The following CTDP1 variants were observed in gnomAD, a reference collection of about 807,000 sequenced individuals.
CTDP1 encodes CTD phosphatase 1.
A neutral mutation model predicts 91.8 loss-of-function variants in CTDP1; 47 were observed. The ratio of observed to expected loss-of-function variants is 0.51; its 90% CI spans 0.41 to 0.65. The LOEUF is 0.65. CTDP1 is among the 30% of genes least tolerant of loss of function. The pLI, the probability that CTDP1 is intolerant of heterozygous loss-of-function variation, is 0.00. For synonymous variants in CTDP1, 656 were observed against 598.5 expected (o/e 1.10, Z -1.40); for missense variants, 1,272 against 1,373.7 (o/e 0.93, Z 1.17).
rs189582645 is a variant in CTDP1 at position 79,729,120 on chromosome 18, G to A, written c.2580+51G>A. Reference sequence around the variant, plus strand: ...CCGCGCCAGCGCTCGTGCTGGGGCCGCAGAGCTCTGGTGTGCGGGCGGATT... The same window carrying A: ...CCGCGCCAGCGCTCGTGCTGGGGCCACAGAGCTCTGGTGTGCGGGCGGATT... On this transcript the variant is annotated intron_variant, in intron 11 of 12. Coordinates refer to ENST00000613122, the MANE Select transcript of CTDP1 (RefSeq NM_004715.5). 8.0e-4 allele frequency: 1,279 copies of A among 1,608,474 alleles called. 3 individuals carry two copies. The highest frequency in any genetic ancestry group is 7.3e-4 in the Non-Finnish European group (858 of 1,178,074).
At chr18:79,733,270 C>T (rs1488427546) in intron 11 of CTDP1, among the ~76,000 whole-genome samples, 3 of 151,882 alleles carry the variant, frequency 2.0e-5, no homozygotes, top group East Asian at 1.9e-4. Flanking sequence ...GCCGCAGCCT[C>T]GGCACAGGAC....
In CTDP1 at chr18:79,697,755, G is replaced by T. The variant is rs529963192; in HGVS notation, c.493-105G>T. 6.8e-5 allele frequency: 104 copies of T among 1,536,196 alleles called. No individual in the cohort carries two copies. The African/African-American group carries it at 1.4e-3, about 20-fold the overall frequency. On this transcript the variant is annotated intron_variant, in intron 3 of 12. Transcript: ENST00000613122. ...CGCAGTCCATGGAGCGTGGGGGGCT[G>T]GAGGGGAACACATTGATATAGTTTT...
At chr18:79,708,953 C>A (rs1017471268) in intron 5 of CTDP1, among the ~76,000 whole-genome samples, 2 of 152,220 alleles carry the variant, frequency 1.3e-5, no homozygotes, top group Non-Finnish European at 2.9e-5. Flanking sequence ...TGATCGAATA[C>A]CCTTAAACAC....
chr18:79,752,130 G>A (rs1001401007), intron 12 of CTDP1, among the ~76,000 whole-genome samples: 7 of 152,250 alleles, frequency 4.6e-5, no homozygotes, highest in Admixed American at 1.3e-4. Flanking sequence ...GGTGTGCCCC[G>A]ATCAAGTCGG....
intron 10 of CTDP1, among the ~76,000 whole-genome samples, chr18:79,725,034 G>A (rs2086417385): frequency 6.6e-6 from 1 of 152,194 alleles, no homozygotes; most frequent in African/African-American, 2.4e-5. Context: ...GAATTTTTTA[G>A]GAGTTTGTTG....
chr18:79,714,513 G>T lies in CTDP1; in HGVS notation c.1053G>T (p.Glu351Asp). ...TAGTAAATCATTCTCGAGGCACTGA[G>T]GTCTCAGAGCCATCTCCGCCCGTGA... ...RKKVNHSRGT[E>D]VSEPSPPVRD... Residue 351 changes from glutamate (E) to aspartate (D), a missense_variant, in exon 8 of 13, where the codon GAG becomes GAT. Physicochemically the swap from Glu to Asp is conservative, Grantham distance 45. Around this residue, in one of 3 missense-constraint regions of CTDP1, gnomAD observed 881 missense variants for 911.6 expected, o/e 0.97. Transcript: ENST00000613122. 1 of 1,613,152 alleles carries T rather than the reference G, an allele frequency of 6.2e-7. No homozygotes were observed. Among genetic ancestry groups the T allele is most frequent in the Non-Finnish European group, 8.5e-7 (1 of 1,180,042 alleles).
intron 10 of CTDP1, among the ~76,000 whole-genome samples, chr18:79,719,721 GTGA>G (rs1193165318): frequency 2.0e-5 from 3 of 148,766 alleles, no homozygotes; most frequent in Admixed American, 6.7e-5. Context: ...AGGCGTCCTG[GTGA>G]TGATGTCACC....
At chr18:79,743,986 G>A (rs1416522170) in intron 12 of CTDP1, among the ~76,000 whole-genome samples, 9 of 152,174 alleles carry the variant, frequency 5.9e-5, no homozygotes, top group Non-Finnish European at 1.3e-4. Flanking sequence ...GACAGATGCA[G>A]CTCAGGGCAA....
upstream of CTDP1, chr18:79,677,406 G>C (rs1364587682): frequency 6.6e-6 from 1 of 152,294 alleles, no homozygotes; most frequent in African/African-American, 2.4e-5. Context: ...GGACAGAAAA[G>C]GGAGTGAGGC....
At chr18:79,689,705 C>A (rs1005557729) in intron 1 of CTDP1, among the ~76,000 whole-genome samples, 2 of 152,276 alleles carry the variant, frequency 1.3e-5, no homozygotes, top group South Asian at 4.1e-4. Flanking sequence ...CACTTGAACC[C>A]CAGAGGCAGA....
intron 1 of CTDP1, among the ~76,000 whole-genome samples, chr18:79,694,616 C>T (rs959884260): frequency 1.3e-5 from 2 of 148,420 alleles, no homozygotes; most frequent in African/African-American, 2.5e-5. Context: ...CGGAGCAGCC[C>T]GGCTGGGGTG....
At chr18:79,744,698 G>A (rs985107766) in intron 12 of CTDP1, among the ~76,000 whole-genome samples, 2 of 152,252 alleles carry the variant, frequency 1.3e-5, no homozygotes, top group African/African-American at 4.8e-5. Flanking sequence ...GCTAGCACAT[G>A]TGCACCGGAA....
intron 4 of CTDP1, 66 bp from the exon 5 acceptor site, chr18:79,704,701 C>G: frequency 6.2e-7 from 1 of 1,600,432 alleles, no homozygotes; most frequent in Non-Finnish European, 8.5e-7. Context: ...CTCGGGCACA[C>G]AGGTTGCGGG....
chr18:79,729,157 C>T, intron 11 of CTDP1, 88 bp downstream of exon 11: 3 of 1,547,230 alleles, frequency 1.9e-6, no homozygotes, highest in African/African-American at 1.4e-5. Context: ...CTGAGCTGTG[C>T]ACCTGGAGGC....
intron 1 of CTDP1, among the ~76,000 whole-genome samples, chr18:79,686,723 G>A (rs2085501666): frequency 6.6e-6 from 1 of 152,282 alleles, no homozygotes; most frequent in African/African-American, 2.4e-5. Flanking sequence ...CTATAGACTG[G>A]CGGGAATGAT....
rs142861502 is a variant in CTDP1, at chr18:79,707,831, C to T, written c.773-2515C>T. Among the ~76,000 whole-genome samples, 444 of 152,208 alleles carry T rather than the reference C, an allele frequency of 2.9e-3. 1 individual carries two copies. Among genetic ancestry groups the T allele is most frequent in the African/African-American group, 0.01 (432 of 41,516 alleles). On this transcript the variant is annotated intron_variant, in intron 5 of 12. Coordinates refer to ENST00000613122, the MANE Select transcript of CTDP1 (RefSeq NM_004715.5). ...CCGGACTGAAGCCTGAGGTGGTCGCCGAGCATCTGCTTTTGATGCTTTTCA... is the reference window on the plus strand; with the variant it reads ...CCGGACTGAAGCCTGAGGTGGTCGCTGAGCATCTGCTTTTGATGCTTTTCA...
chr18:79,715,341 G>A lies in CTDP1; in HGVS notation c.1881G>A (p.Pro627=), dbSNP rs767778473. The A allele has an allele frequency of 1.2e-5, 20 of 1,608,338 alleles. No homozygotes were observed. The highest frequency in any genetic ancestry group is 4.4e-5 in the South Asian group (4 of 89,986). ...CGCCGGACATCCGCAAGATCGTGCCGGAGCTCAAGAGCAAGGTGCTGGCAG... is the reference window on the plus strand; with the variant it reads ...CGCCGGACATCCGCAAGATCGTGCCAGAGCTCAAGAGCAAGGTGCTGGCAG... ...EEAPDIRKIV[P]ELKSKVLADV... The change falls in exon 8 of 13, where the codon CCG becomes CCA. Residue 627 remains proline, a synonymous_variant. Transcript: ENST00000613122.
chr18:79,684,723 G>A (rs1397494837), intron 1 of CTDP1, among the ~76,000 whole-genome samples: 1 of 152,200 alleles, frequency 6.6e-6, no homozygotes, highest in Non-Finnish European at 1.5e-5. Context: ...GAACCATTCT[G>A]GGAACTTAAA....
intron 11 of CTDP1, among the ~76,000 whole-genome samples, chr18:79,730,360 G>A (rs1222885409): frequency 6.6e-6 from 1 of 152,224 alleles, no homozygotes; most frequent in Non-Finnish European, 1.5e-5. Context: ...CCTGGAAGCT[G>A]CTGACACGTC....
Sources: allele counts gnomAD v4.1 joint callset (sites outside exome capture counted in the v4.1 genomes callset), GRCh38; gene constraint gnomAD v4.1.1; regional missense constraint gnomAD v4.1.1; transcripts MANE v1.5; gene names NCBI Gene and HGNC (gene_info 2026-07-23, HGNC 2026-07-21).